DCPS: variants seen among roughly 807,000 people sequenced by gnomAD.
The protein encoded by DCPS is decapping enzyme, scavenger, also known as m7GpppX diphosphatase.
Under a neutral mutation model 34.7 loss-of-function variants are expected in DCPS, and 27 were observed. That is an observed-to-expected ratio of 0.78 (90% CI 0.57 to 1.07). DCPS has a LOEUF of 1.07. Among genes scored for constraint, DCPS ranks in the 50% least tolerant of loss-of-function variants. The pLI is 0.00. For synonymous variants in DCPS, 185 were observed against 185.7 expected (o/e 1.00, Z 0.03); for missense variants, 464 against 436.9 (o/e 1.06, Z -0.55).
rs1951748072 is a variant in DCPS, at chr11:126,327,195, C to T, written c.377-4210C>T. ...CCCTTTAGTCCCGTCTCTTTAGTCT[C>T]CCTTCATCTGGAGCAATTCCTCAGC... is the stretch of plus-strand genomic sequence containing the variant. On this transcript the variant is annotated intron_variant, in intron 2 of 5. Transcript: ENST00000263579. The surrounding 1 kb of genome is among the most constrained non-coding windows in gnomAD (Gnocchi z 4.1). Among the ~76,000 whole-genome samples, 1 of 152,178 alleles carries T rather than the reference C, an allele frequency of 6.6e-6. No individual in the cohort carries two copies. Among genetic ancestry groups the T allele is most frequent in the Non-Finnish European group, 1.5e-5 (1 of 68,030 alleles).
Position 126,335,340 on chromosome 11 carries a change from A to G in DCPS, c.523-2946A>G, listed in dbSNP as rs1951824753. ...AAGCTGATGGCATCACCCTCTGCCC[A>G]GTTTATCAGCAGGGCTGGCCAAGTT... On this transcript the variant is annotated intron_variant, in intron 3 of 5. Coordinates refer to ENST00000263579, the MANE Select transcript of DCPS (RefSeq NM_014026.6). The surrounding 1 kb of genome is among the most constrained non-coding windows in gnomAD (Gnocchi z 4.8). Among the ~76,000 whole-genome samples the G allele has an allele frequency of 6.6e-6, 1 of 152,270 alleles. No individual in the cohort carries two copies. The highest frequency in any genetic ancestry group is 6.5e-5 in the Admixed American group (1 of 15,282).
In DCPS at chr11:126,347,434, G is replaced by A. The variant is rs1013564545; in HGVS notation, c.*1821G>A. The stretch of plus-strand genomic sequence containing the variant: ...AGACGGGGTTTCACCATGTTGGCCA[G>A]GCTGGTCTCCAACTCCTGGCCTCAG... On this transcript the variant is annotated 3_prime_UTR_variant, in exon 6 of 6. Coordinates refer to ENST00000263579, the MANE Select transcript of DCPS (RefSeq NM_014026.6). This position sits in a 1 kb window ranked among gnomAD's most constrained non-coding sequence, Gnocchi z 4.2. Among the ~76,000 whole-genome samples the A allele has an allele frequency of 3.3e-5, 5 of 152,126 alleles. No homozygotes were observed. The East Asian group carries it at 7.8e-4, about 24-fold the overall frequency.
intron 2 of DCPS, among the ~76,000 whole-genome samples, chr11:126,309,267 C>T (rs964799793): frequency 3.3e-5 from 5 of 152,102 alleles, no homozygotes; most frequent in African/African-American, 1.2e-4. Context: ...CTCAGGTGAT[C>T]CAAAGTGCTG....
Position 126,312,084 on chromosome 11 carries a change from C to G in DCPS, c.376+5340C>G, listed in dbSNP as rs922721342. ...TAGCTGGGATTACAGGCATCCTCCA[C>G]CATGCCTGGCTAATTTTTGTGTTTT... On this transcript the variant is annotated intron_variant, in intron 2 of 5. Coordinates refer to ENST00000263579, the MANE Select transcript of DCPS (RefSeq NM_014026.6). This position sits in a 1 kb window ranked among gnomAD's most constrained non-coding sequence, Gnocchi z 5.1. 1.3e-5 allele frequency among the ~76,000 whole-genome samples: 2 copies of G among 152,092 alleles called. No homozygotes were observed. Among genetic ancestry groups the G allele is most frequent in the Admixed American group, 1.3e-4 (2 of 15,278 alleles).
chr11:126,341,874 A>G (rs1951878353), intron 4 of DCPS: 2 of 152,260 alleles, frequency 1.3e-5, no homozygotes, highest in South Asian at 4.1e-4. Flanking sequence ...TCATCTGCAG[A>G]AGGTCTAAGG....
At chr11:126,330,688 CATATATATATATATATATATATAT>C (rs766232318) in intron 2 of DCPS, among the ~76,000 whole-genome samples, 2 of 31,588 alleles carry the variant, frequency 6.3e-5, no homozygotes, top group African/African-American at 1.4e-4. Context: ...GGCTTTAAAC[CATATATATATATATATATATATAT>C]ATATATATTT....
chr11:126,304,346 G>C, intron 1 of DCPS, 65 bp downstream of exon 1: 1 of 1,578,818 alleles, frequency 6.3e-7, no homozygotes, highest in Non-Finnish European at 8.6e-7. Context: ...CTCGGAGGCA[G>C]ATTTTTTTTT....
rs684687 is a variant in DCPS, at chr11:126,313,699, A to T, written c.376+6955A>T. On this transcript the variant is annotated intron_variant, in intron 2 of 5. Transcript: ENST00000263579. The surrounding 1 kb of genome is among the most constrained non-coding windows in gnomAD (Gnocchi z 4.9). ...GACAAAAAGGAAATGATTAACCCCC[A>T]AATCAGGGAGGTGATTATCCTTGGT... 0.38 allele frequency among the ~76,000 whole-genome samples: 57,129 copies of T among 152,040 alleles called. 11,853 individuals carry two copies. Among genetic ancestry groups the T allele is most frequent in the East Asian group, 0.68 (3,510 of 5,158 alleles).
At chr11:126,321,252 C>CAAAA (rs776121972) in intron 2 of DCPS, among the ~76,000 whole-genome samples, 7 of 97,584 alleles carry the variant, frequency 7.2e-5, no homozygotes, top group African/African-American at 1.9e-4. Flanking sequence ...GACCTTGTCT[C>CAAAA]AAAAAAAAAA....
intron 2 of DCPS, among the ~76,000 whole-genome samples, chr11:126,309,789 T>G (rs1951606348): frequency 6.6e-6 from 1 of 152,162 alleles, no homozygotes; most frequent in Non-Finnish European, 1.5e-5. Flanking sequence ...TGTCAAACTT[T>G]TTCTGTCAAA....
rs61901271 is a variant in DCPS, at chr11:126,325,059, T to G, written c.377-6346T>G. On this transcript the variant is annotated intron_variant, in intron 2 of 5. Transcript: ENST00000263579. The surrounding 1 kb of genome is among the most constrained non-coding windows in gnomAD (Gnocchi z 4.3). The stretch of plus-strand genomic sequence containing the variant: ...TTAGCGGGGCATGGTGGTGGGCACC[T>G]GTAATCCCAGCTACTCACTCGGGTT... Among the ~76,000 whole-genome samples the G allele has an allele frequency of 6.6e-5, 10 of 152,126 alleles. No individual in the cohort carries two copies. The highest frequency in any genetic ancestry group is 1.3e-4 in the Non-Finnish European group (9 of 68,030).
At chr11:126,326,851 A>G (rs1421350777) in intron 2 of DCPS, among the ~76,000 whole-genome samples, 1 of 151,802 alleles carries the variant, frequency 6.6e-6, no homozygotes, top group African/African-American at 2.4e-5. Flanking sequence ...TGAGCCCGGG[A>G]GGCGGAGCTT....
chr11:126,309,030 T>G (rs1347592054), intron 2 of DCPS, among the ~76,000 whole-genome samples: 1 of 150,788 alleles, frequency 6.6e-6, no homozygotes. Context: ...GCCCCTTTTT[T>G]TTTTTTTTTT....
Position 126,338,107 on chromosome 11 carries a change from C to T in DCPS, c.523-179C>T, listed in dbSNP as rs1275858660. ...GGGAAGGGGGAAGTCCCTTCTGGAC[C>T]CCTAAGAACAGATGCTTGGGGACAG... On this transcript the variant is annotated intron_variant, in intron 3 of 5. Coordinates refer to ENST00000263579, the MANE Select transcript of DCPS (RefSeq NM_014026.6). The surrounding 1 kb of genome is among the most constrained non-coding windows in gnomAD (Gnocchi z 5.4). 1.6e-6 allele frequency: 1 copy of T among 606,542 alleles called. No homozygotes were observed. The highest frequency in any genetic ancestry group is 3.0e-6 in the Non-Finnish European group (1 of 337,318). 37.6% of individuals were successfully genotyped at this position (606,542 alleles called of 1,614,324 possible). A position where few individuals can be genotyped will look rare whatever the true frequency, so the allele number is the denominator to read the frequency against.
chr11:126,323,922 C>G lies in DCPS; in HGVS notation c.377-7483C>G, dbSNP rs1951723795. Reference sequence around the variant, plus strand: ...CTCGGCTCACCGCAACCTCTACCTCCCAGGTTCAAGCGATTCTTCCGCCTC... The same window carrying G: ...CTCGGCTCACCGCAACCTCTACCTCGCAGGTTCAAGCGATTCTTCCGCCTC... On this transcript the variant is annotated intron_variant, in intron 2 of 5. Transcript: ENST00000263579. This position sits in a 1 kb window ranked among gnomAD's most constrained non-coding sequence, Gnocchi z 4.4. Among the ~76,000 whole-genome samples the G allele has an allele frequency of 6.6e-6, 1 of 152,030 alleles. No homozygotes were observed.
In DCPS at chr11:126,334,327, C is replaced by CATTT. The variant is rs201995739; in HGVS notation, c.522+2793_522+2796dup. ...CTAAGCATTTATGCGCATCACACCT[C>CATTT]ATTTATTTATTTATTTATTATTTAT... On this transcript the variant is annotated intron_variant, in intron 3 of 5. Transcript: ENST00000263579. The surrounding 1 kb of genome is among the most constrained non-coding windows in gnomAD (Gnocchi z 5.5). Among the ~76,000 whole-genome samples, 1,368 of 152,084 alleles carry CATTT rather than the reference C, an allele frequency of 9.0e-3. 18 individuals carry two copies. The highest frequency in any genetic ancestry group is 0.03 in the African/African-American group (1,264 of 41,446).
In DCPS at chr11:126,322,225, C is replaced by G. The variant is rs1294001790; in HGVS notation, c.377-9180C>G. 2.0e-5 allele frequency among the ~76,000 whole-genome samples: 3 copies of G among 152,164 alleles called. No homozygotes were observed. The highest frequency in any genetic ancestry group is 4.4e-5 in the Non-Finnish European group (3 of 68,028). ...AAAGAACTGGGCATCATAATGATCT[C>G]AGACTCCACAACAACAGCATTCAGA... On this transcript the variant is annotated intron_variant, in intron 2 of 5. Coordinates refer to ENST00000263579, the MANE Select transcript of DCPS (RefSeq NM_014026.6). The surrounding 1 kb of genome is among the most constrained non-coding windows in gnomAD (Gnocchi z 4.2).
intron 1 of DCPS, among the ~76,000 whole-genome samples, chr11:126,304,826 C>T (rs890276111): frequency 6.6e-6 from 1 of 152,210 alleles, no homozygotes; most frequent in Non-Finnish European, 1.5e-5. Context: ...TTCAGGACTA[C>T]GGAATATTTC....
At chr11:126,308,163 T>C (rs765484980) in intron 2 of DCPS, among the ~76,000 whole-genome samples, 21 of 152,198 alleles carry the variant, frequency 1.4e-4, no homozygotes, top group Non-Finnish European at 2.6e-4. Context: ...AGGTGTGACA[T>C]GTGCATTTTT....
Sources: gnomAD v4.1 joint callset for allele counts (sites outside exome capture counted in the v4.1 genomes callset) on GRCh38, gnomAD v4.1.1 for gene constraint, Gnocchi (gnomAD v3.1) non-coding constraint, MANE v1.5 for transcripts, NCBI Gene and HGNC (gene_info 2026-07-23, HGNC 2026-07-21) for gene names.